WDR72: variants seen among roughly 807,000 people sequenced by gnomAD.
The protein encoded by WDR72 is WD repeat-containing protein 72.
A neutral mutation model predicts 124.2 loss-of-function variants in WDR72; 120 were observed. The observed-to-expected ratio is 0.97, with a 90% CI of 0.83 to 1.12. WDR72 has a LOEUF of 1.12. Among genes scored for constraint, WDR72 ranks in the 50% most tolerant of loss-of-function variants. WDR72 has a pLI of 0.00. For missense variants in WDR72, 1,387 were observed against 1,278.8 expected (o/e 1.08, Z -1.29); for synonymous variants, 452 against 441.7 (o/e 1.02, Z -0.29).
intron 19 of WDR72, 125 bp downstream of exon 19, chr15:53,523,093 T>C (rs1395136781): frequency 1.1e-6 from 1 of 888,172 alleles, no homozygotes; most frequent in African/African-American, 1.6e-5. Flanking sequence ...TGACCATTAA[T>C]TTGACAGTGC....
chr15:53,554,044 T>G (rs1218115954), intron 18 of WDR72, among the ~76,000 whole-genome samples: 1 of 152,172 alleles, frequency 6.6e-6, no homozygotes, highest in Non-Finnish European at 1.5e-5. Context: ...ACACTTTTGC[T>G]TAATAACATG....
At chr15:53,551,032 T>G (rs926755830) in intron 18 of WDR72, among the ~76,000 whole-genome samples, 2 of 152,194 alleles carry the variant, frequency 1.3e-5, no homozygotes, top group Non-Finnish European at 2.9e-5. Context: ...GAGGATCTGT[T>G]TAAGGAAATG....
rs1166395754 is a variant in WDR72, at chr15:53,702,245, G to T, written c.1458C>A (p.Asp486Glu). Reference sequence around the variant, plus strand: ...CCCACAAGATCACACATGAGTCCAGGTCCCCAGACAACATCCAACTTTGGT... The same window carrying T: ...CCCACAAGATCACACATGAGTCCAGTTCCCCAGACAACATCCAACTTTGGT... ...KLDQSWMLSG[D>E]LDSCVILWDI... The change falls in exon 12 of 20, where the codon GAC (aspartate) becomes GAA (glutamate). Residue 486 changes from aspartate (D) to glutamate (E), a missense_variant. Transcript: ENST00000360509. 8.7e-6 allele frequency: 14 copies of T among 1,613,894 alleles called. No individual in the cohort carries two copies. The highest frequency in any genetic ancestry group is 1.2e-5 in the Non-Finnish European group (14 of 1,179,990).
intron 13 of WDR72, among the ~76,000 whole-genome samples, chr15:53,681,266 T>C (rs1428387325): frequency 6.6e-6 from 1 of 152,162 alleles, no homozygotes; most frequent in Non-Finnish European, 1.5e-5. Flanking sequence ...TGCTAGGGAA[T>C]TGAAAGAAGG....
At chr15:53,635,316 T>C (rs572537622) in intron 14 of WDR72, among the ~76,000 whole-genome samples, 2 of 152,336 alleles carry the variant, frequency 1.3e-5, no homozygotes, top group African/African-American at 4.8e-5. Flanking sequence ...TATATGACTA[T>C]TGTTTTAATT....
Position 53,616,176 on chromosome 15 carries a change from A to G in WDR72, c.2030T>C (p.Val677Ala), listed in dbSNP as rs780803068. Residue 677 changes from valine (V) to alanine (A), a missense_variant, in exon 15 of 20, where the codon GTT becomes GCT. Val to Ala is a moderately conservative substitution (Grantham distance 64). Transcript: ENST00000360509. ...VLPVKTKWSN[V>A]GFHILLFDLE... ...ATCAAATAGAAGAATATGAAAGCCAACGTTACTCCATTTTGTCTTCACAGG... is the reference window on the plus strand; with the variant it reads ...ATCAAATAGAAGAATATGAAAGCCAGCGTTACTCCATTTTGTCTTCACAGG... The G allele has an allele frequency of 3.0e-5, 48 of 1,607,892 alleles. No individual in the cohort carries two copies. Among genetic ancestry groups the G allele is most frequent in the Middle Eastern group, 3.3e-4 (2 of 6,050 alleles).
intron 14 of WDR72, among the ~76,000 whole-genome samples, chr15:53,648,180 C>CA (rs1468830596): frequency 6.6e-6 from 1 of 151,986 alleles, no homozygotes; most frequent in Non-Finnish European, 1.5e-5. Flanking sequence ...ATATCAAATC[C>CA]AAAAAATTCA....
intron 13 of WDR72, among the ~76,000 whole-genome samples, chr15:53,673,989 C>T (rs1186685381): frequency 6.6e-6 from 1 of 150,654 alleles, no homozygotes; most frequent in Non-Finnish European, 1.5e-5. Flanking sequence ...GAAACTCCAT[C>T]TCAAGAAAAA....
In WDR72 at chr15:53,710,774, C is replaced by T. The variant is rs577371665; in HGVS notation, c.954+83G>A. The T allele has an allele frequency of 6.8e-6, 8 of 1,175,920 alleles. No individual in the cohort carries two copies. The South Asian group carries it at 1.0e-4, about 15-fold the overall frequency. The allele number at this position is 1,175,920 out of a possible 1,614,324, so 72.8% of individuals were successfully genotyped here. A position where few individuals can be genotyped will look rare whatever the true frequency, so the allele number is the denominator to read the frequency against. ...ATGCTTCAATTCAATTTTTTCAAGC[C>T]TGATTCTGTGACAGACAAAGCAACA... On this transcript the variant is annotated intron_variant, in intron 9 of 19. Transcript: ENST00000360509.
chr15:53,533,639 G>A (rs1450651859), intron 18 of WDR72, among the ~76,000 whole-genome samples: 1 of 152,100 alleles, frequency 6.6e-6, no homozygotes, highest in Non-Finnish European at 1.5e-5. Flanking sequence ...CTCACTAGAT[G>A]CTACCCCTCT....
Position 53,539,295 on chromosome 15 carries a change from G to C in WDR72, c.3149-15973C>G, listed in dbSNP as rs531909448. ...AAAAGCCATCAGCATCAGAATAAGA[G>C]GTAAGCACTAAATATACATTTACCT... On this transcript the variant is annotated intron_variant, in intron 18 of 19. Coordinates refer to ENST00000360509, the MANE Select transcript of WDR72 (RefSeq NM_182758.4). 1.3e-4 allele frequency among the ~76,000 whole-genome samples: 20 copies of C among 152,114 alleles called. No individual in the cohort carries two copies. The South Asian group carries it at 4.2e-3, about 32-fold the overall frequency.
At chr15:53,524,056 A>C (rs2140213814) in intron 18 of WDR72, among the ~76,000 whole-genome samples, 1 of 152,184 alleles carries the variant, frequency 6.6e-6, no homozygotes, top group South Asian at 2.1e-4. Context: ...AAGTTGTAAT[A>C]CTTGCTCTAT....
At position 53,515,628 on chromosome 15, in the gene WDR72, A is replaced by T. The variant is rs1891417890; in HGVS notation, c.*2071T>A. ...TTAGTCATTTAACAGGAATGTTTAA[A>T]TTTTAGAGATTCTAACATGCGATGC... On this transcript the variant is annotated 3_prime_UTR_variant, in exon 20 of 20. Transcript: ENST00000360509. The T allele has an allele frequency of 6.6e-6, 1 of 152,200 alleles. No homozygotes were observed. The highest frequency in any genetic ancestry group is 2.4e-5 in the African/African-American group (1 of 41,466). 9.4% of individuals were successfully genotyped at this position (152,200 alleles called of 1,614,324 possible).
In WDR72 at chr15:53,704,800, A is replaced by G. The variant is rs62007985; in HGVS notation, c.1348+188T>C. Among the ~76,000 whole-genome samples, 22,719 of 127,764 alleles carry G rather than the reference A, an allele frequency of 0.18. 2,177 individuals carry two copies. Among genetic ancestry groups the G allele is most frequent in the East Asian group, 0.47 (2,254 of 4,756 alleles). The allele number at this position is 127,764 out of a possible 152,430, so 83.8% of individuals were successfully genotyped here. A position where few individuals can be genotyped will look rare whatever the true frequency, so the allele number is the denominator to read the frequency against. On this transcript the variant is annotated intron_variant, in intron 11 of 19. Coordinates refer to ENST00000360509, the MANE Select transcript of WDR72 (RefSeq NM_182758.4). Reference sequence around the variant, plus strand: ...GCCCGCCTTGGCCTCCCAAAGTGCTAGGATTACAGGGAGTTTAAAAAAAAA... The same window carrying G: ...GCCCGCCTTGGCCTCCCAAAGTGCTGGGATTACAGGGAGTTTAAAAAAAAA...
At chr15:53,641,124 A>C (rs1206743972) in intron 14 of WDR72, among the ~76,000 whole-genome samples, 6 of 152,098 alleles carry the variant, frequency 3.9e-5, no homozygotes, top group South Asian at 2.1e-4. Context: ...TATTCATCTG[A>C]AGTTTATTTT....
At chr15:53,659,527 T>C (rs951817532) in intron 14 of WDR72, among the ~76,000 whole-genome samples, 1 of 152,196 alleles carries the variant, frequency 6.6e-6, no homozygotes, top group African/African-American at 2.4e-5. Flanking sequence ...TGGAGTCATT[T>C]AATGGTGCAT....
intron 18 of WDR72, among the ~76,000 whole-genome samples, chr15:53,561,510 T>C (rs1894123741): frequency 6.6e-6 from 1 of 151,760 alleles, no homozygotes; most frequent in African/African-American, 2.4e-5. Context: ...CTCATACAAA[T>C]AAAGGAGGAA....
In WDR72 at chr15:53,733,143, T is replaced by A; in HGVS notation, c.7A>T (p.Thr3Ser). 6.2e-7 allele frequency: 1 copy of A among 1,613,858 alleles called. No individual in the cohort carries two copies. Among genetic ancestry groups the A allele is most frequent in the African/African-American group, 1.3e-5 (1 of 74,964 alleles). Residue 3 changes from threonine (T) to serine (S), a missense_variant, in exon 2 of 20, where the codon ACT (threonine) becomes TCT (serine). Transcript: ENST00000360509. MR[T>S]SLQAVALWGQ... The stretch of plus-strand genomic sequence containing the variant: ...CAGAGTGCCACTGCCTGCAGGGAAG[T>A]CCTCATTTTGGGCGAATCCTGACAT...
chr15:53,524,187 C>T (rs1198666335), intron 18 of WDR72, among the ~76,000 whole-genome samples: 1 of 152,018 alleles, frequency 6.6e-6, no homozygotes, highest in Non-Finnish European at 1.5e-5. Context: ...CCTGCAATAG[C>T]ATAAATTAGG....
Sources: allele counts gnomAD v4.1 joint callset (sites outside exome capture counted in the v4.1 genomes callset), GRCh38; gene constraint gnomAD v4.1.1; transcripts MANE v1.5; gene names NCBI Gene and HGNC (gene_info 2026-07-23, HGNC 2026-07-21).